Variants in MTOR observed in about 807,000 individuals in gnomAD.
The protein encoded by MTOR is mechanistic target of rapamycin kinase.
Under a neutral mutation model 319.8 loss-of-function variants are expected in MTOR, and 70 were observed. That is an observed-to-expected ratio of 0.22 (90% CI 0.18 to 0.27). MTOR has a LOEUF of 0.27. MTOR is among the 10% of genes least tolerant of loss of function. The pLI is 1.00. For missense variants in MTOR, 1,890 were observed against 3,274.4 expected (o/e 0.58, Z 10.32); for synonymous variants, 1,183 against 1,211.4 (o/e 0.98, Z 0.49).
rs1390551115 is a variant in MTOR at position 11,129,001 on chromosome 1, C to A, written c.5715-50G>T. ...AGAAAATTTAGTTTCCCAGTTTTTG[C>A]CTGCCTGTTTTTCATCTCTAAGGCT... On this transcript the variant is annotated intron_variant, in intron 40 of 57. Coordinates refer to ENST00000361445, the MANE Select transcript of MTOR (RefSeq NM_004958.4). The surrounding 1 kb of genome is among the most constrained non-coding windows in gnomAD (Gnocchi z 4.7). The A allele has an allele frequency of 6.6e-7, 1 of 1,510,664 alleles. No individual in the cohort carries two copies. The highest frequency in any genetic ancestry group is 9.1e-7 in the Non-Finnish European group (1 of 1,100,156). The allele number at this position is 1,510,664 out of a possible 1,614,324, so 93.6% of individuals were successfully genotyped here. A position where few individuals can be genotyped will look rare whatever the true frequency, so the allele number is the denominator to read the frequency against.
At chr1:11,227,841 G>GA (rs1569672396) in intron 19 of MTOR, among the ~76,000 whole-genome samples, 1 of 152,088 alleles carries the variant, frequency 6.6e-6, no homozygotes, top group East Asian at 1.9e-4. Context: ...GGTAGCTGAG[G>GA]AACAGGATAG....
At chr1:11,213,671 T>G in intron 20 of MTOR, 105 bp from the exon 21 acceptor site, 1 of 1,099,770 alleles carries the variant, frequency 9.1e-7, no homozygotes, top group Non-Finnish European at 1.3e-6. Context: ...GTGAGCATGG[T>G]CTGCGCCGAG....
intron 13 of MTOR, among the ~76,000 whole-genome samples, chr1:11,236,964 G>T (rs920446115): frequency 1.3e-5 from 2 of 152,190 alleles, no homozygotes; most frequent in African/African-American, 4.8e-5. Flanking sequence ...GTTGACTGAT[G>T]ATATAATTTA....
At position 11,149,842 on chromosome 1, in the gene MTOR, T is replaced by C. The variant is rs17036411; in HGVS notation, c.4570+284A>G. On this transcript the variant is annotated intron_variant, in intron 31 of 57. Coordinates refer to ENST00000361445, the MANE Select transcript of MTOR (RefSeq NM_004958.4). Reference sequence around the variant, plus strand: ...ATCTGGCATCAGTACTCTGTGTGAGTGTGCTAAGTGTGTATTTCTCACCCA... The same window carrying C: ...ATCTGGCATCAGTACTCTGTGTGAGCGTGCTAAGTGTGTATTTCTCACCCA... Among the ~76,000 whole-genome samples, 8,993 of 152,268 alleles carry C rather than the reference T, an allele frequency of 0.059. 372 individuals carry two copies. Among genetic ancestry groups the C allele is most frequent in the South Asian group, 0.12 (598 of 4,828 alleles).
At chr1:11,150,331 A>C (rs1644096644) in intron 30 of MTOR, 105 bp from the exon 31 acceptor site, 16 of 868,594 alleles carry the variant, frequency 1.8e-5, no homozygotes, top group South Asian at 1.6e-4. Context: ...GGAACTGGAC[A>C]CCTTTAATAA....
intron 46 of MTOR, among the ~76,000 whole-genome samples, chr1:11,125,077 T>C (rs991416119): frequency 6.6e-6 from 1 of 152,148 alleles, no homozygotes; most frequent in East Asian, 1.9e-4. Context: ...GCCCCAGTTC[T>C]AGAAGCTACC....
At chr1:11,138,316 C>CA (rs973760093) in intron 36 of MTOR, among the ~76,000 whole-genome samples, 8 of 152,172 alleles carry the variant, frequency 5.3e-5, no homozygotes, top group African/African-American at 1.4e-4. Context: ...AACAAAACAA[C>CA]AAAAAAACAA....
intron 25 of MTOR, among the ~76,000 whole-genome samples, chr1:11,207,851 T>C (rs1234024308): frequency 6.6e-6 from 1 of 152,144 alleles, no homozygotes; most frequent in Non-Finnish European, 1.5e-5. Context: ...GAGGATTCTG[T>C]CTAGAGTTTT....
intron 29 of MTOR, among the ~76,000 whole-genome samples, chr1:11,163,943 C>T (rs1644556395): frequency 1.3e-5 from 2 of 152,110 alleles, no homozygotes; most frequent in Admixed American, 1.3e-4. Context: ...CAGAGCAGAA[C>T]TGAAGGAGAC....
intron 49 of MTOR, among the ~76,000 whole-genome samples, chr1:11,117,507 T>C (rs1398808632): frequency 6.6e-6 from 1 of 152,178 alleles, no homozygotes; most frequent in Admixed American, 6.5e-5. Flanking sequence ...TTAGAATGTA[T>C]AACATTATAA....
Position 11,199,745 on chromosome 1 carries a change from C to T in MTOR, c.3945-42G>A. On this transcript the variant is annotated intron_variant, in intron 26 of 57. Coordinates refer to ENST00000361445, the MANE Select transcript of MTOR (RefSeq NM_004958.4). This position sits in a 1 kb window ranked among gnomAD's most constrained non-coding sequence, Gnocchi z 4.5. ...TGGAAAATGGAGAGACCTCCCGTGC[C>T]TCTGCCTGCTGCCTCAAAGTCACAC... The T allele has an allele frequency of 6.2e-7, 1 of 1,605,842 alleles. No individual in the cohort carries two copies. The highest frequency in any genetic ancestry group is 1.1e-5 in the South Asian group (1 of 90,506).
At chr1:11,234,601 G>A (rs1350456619) in intron 13 of MTOR, among the ~76,000 whole-genome samples, 1 of 152,182 alleles carries the variant, frequency 6.6e-6, no homozygotes. Context: ...GCTGTGAGTA[G>A]GGTTCTATAA....
At position 11,139,396 on chromosome 1, in the gene MTOR, C is replaced by T. The variant is rs2100477472; in HGVS notation, c.5038G>A (p.Asp1680Asn). 2 of 1,613,982 alleles carry T rather than the reference C, an allele frequency of 1.2e-6. No individual in the cohort carries two copies. Among genetic ancestry groups the T allele is most frequent in the Non-Finnish European group, 1.7e-6 (2 of 1,179,988 alleles). Residue 1680 changes from aspartate (D) to asparagine (N), a missense_variant, in exon 36 of 58, where the codon GAT becomes AAT. Physicochemically the swap from Asp to Asn is conservative, Grantham distance 23 (BLOSUM62 1). Coordinates refer to ENST00000361445, the MANE Select transcript of MTOR (RefSeq NM_004958.4). ...HKTLVLLLGV[D>N]PSRQLDHPLP... ...GGATGGTCAAGTTGCCGAGACGGATCAACTCCCAGGAGCAACACTAAAGTT... is the reference window on the plus strand; with the variant it reads ...GGATGGTCAAGTTGCCGAGACGGATTAACTCCCAGGAGCAACACTAAAGTT...
chr1:11,192,440 C>T, intron 28 of MTOR: 1 of 1,284,222 alleles, frequency 7.8e-7, no homozygotes, highest in Non-Finnish European at 1.1e-6. Flanking sequence ...ACTACAACAA[C>T]AGGGCCATTC....
intron 6 of MTOR, among the ~76,000 whole-genome samples, chr1:11,250,146 C>G (rs1429921166): frequency 3.7e-5 from 5 of 135,474 alleles, no homozygotes; most frequent in African/African-American, 1.4e-4. Flanking sequence ...CCCTCACCTC[C>G]CGGACAGGGC....
rs1569835405 is a variant in MTOR, at chr1:11,254,707, G to A, written c.706-734C>T. 2.6e-5 allele frequency among the ~76,000 whole-genome samples: 4 copies of A among 151,860 alleles called. No homozygotes were observed. In the East Asian group the frequency reaches 7.7e-4, roughly 29 times the overall value. On this transcript the variant is annotated intron_variant, in intron 5 of 57. Coordinates refer to ENST00000361445, the MANE Select transcript of MTOR (RefSeq NM_004958.4). The stretch of plus-strand genomic sequence containing the variant: ...GGCACTTTCTAAATTAGTATCATTT[G>A]TATCTCACTGATTTTGAGACACCTA...
intron 28 of MTOR, among the ~76,000 whole-genome samples, chr1:11,179,016 C>A (rs886275006): frequency 3.9e-5 from 6 of 152,124 alleles, no homozygotes; most frequent in Admixed American, 2.0e-4. Context: ...ATTCTGGGTT[C>A]AGGGAAAAGA....
chr1:11,233,614 T>A (rs1647096342), intron 14 of MTOR, 127 bp from the exon 15 acceptor site: 8 of 690,196 alleles, frequency 1.2e-5, no homozygotes. Context: ...GCTTTATGAA[T>A]CCAAGATTTC....
intron 28 of MTOR, among the ~76,000 whole-genome samples, chr1:11,178,900 G>A (rs943400191): frequency 6.6e-6 from 1 of 152,222 alleles, no homozygotes; most frequent in African/African-American, 2.4e-5. Flanking sequence ...CTGGCACCTA[G>A]TGATCTGGCA....
Sources: gnomAD v4.1 joint callset for allele counts (sites outside exome capture counted in the v4.1 genomes callset) on GRCh38, gnomAD v4.1.1 for gene constraint, Gnocchi (gnomAD v3.1) non-coding constraint, MANE v1.5 for transcripts, NCBI Gene and HGNC (gene_info 2026-07-23, HGNC 2026-07-21) for gene names.